The following TMEM94 variants were observed in gnomAD, a reference collection of about 807,000 sequenced individuals.
TMEM94 encodes the protein ER Mg2+ ATPase.
A neutral mutation model predicts 158.6 loss-of-function variants in TMEM94; 81 were observed. That is an observed-to-expected ratio of 0.51 (90% CI 0.43 to 0.61). The LOEUF (loss-of-function observed/expected upper bound fraction) is 0.61, where lower values mean the gene tolerates loss of function less well. Among genes scored for constraint, TMEM94 ranks in the 20% least tolerant of loss-of-function variants. The pLI, the probability that TMEM94 is intolerant of heterozygous loss-of-function variation, is 0.00. For synonymous variants in TMEM94, 751 were observed against 730.7 expected (o/e 1.03, Z -0.45); for missense variants, 1,435 against 1,762.0 (o/e 0.81, Z 3.32).
intron 2 of TMEM94, among the ~76,000 whole-genome samples, chr17:75,483,745 G>A (rs149349997): frequency 5.9e-5 from 9 of 152,150 alleles, no homozygotes; most frequent in African/African-American, 9.7e-5. Context: ...GATTACAGGC[G>A]TGAGTTCGGC....
At chr17:75,490,020 A>G (rs2052007935) in intron 9 of TMEM94, 2 of 618,240 alleles carry the variant, frequency 3.2e-6, no homozygotes, top group Admixed American at 3.1e-5. Flanking sequence ...TGGAGGTTGC[A>G]GTGAGCCGAG....
chr17:75,485,331 G>A lies in TMEM94; in HGVS notation c.25-97G>A. 1.4e-6 allele frequency: 2 copies of A among 1,404,890 alleles called. No individual in the cohort carries two copies. Among genetic ancestry groups the A allele is most frequent in the Non-Finnish European group, 1.9e-6 (2 of 1,026,318 alleles). The allele number at this position is 1,404,890 out of a possible 1,614,324, so 87.0% of individuals were successfully genotyped here. ...GAGATGTGAGGATCCCAGAGGAGGG[G>A]AAGGATGAAGGGCCAGGGAAGGGGA... On this transcript the variant is annotated intron_variant, in intron 2 of 31. Transcript: ENST00000314256. The surrounding 1 kb of genome is among the most constrained non-coding windows in gnomAD (Gnocchi z 5.5).
chr17:75,475,697 G>A (rs1567918151), intron 2 of TMEM94, among the ~76,000 whole-genome samples: 1 of 149,590 alleles, frequency 6.7e-6, no homozygotes, highest in South Asian at 2.2e-4. Context: ...CTTTCTGCCT[G>A]GGGGATGCAG....
rs752163987 is a variant in TMEM94, at chr17:75,493,076, G to T, written c.2060G>T (p.Ser687Ile). ...KRRPPLSHMISLFIKDTTTST... is the reference protein window; with the variant it reads ...KRRPPLSHMIILFIKDTTTST... ...CGGCCTCCCCTCAGCCACATGATCA[G>T]CCTCTTCATTAAAGACACCACCACC... The change falls in exon 16 of 32, where the codon AGC (serine) becomes ATC (isoleucine). Residue 687 changes from serine to isoleucine, a missense_variant. Transcript: ENST00000314256. The T allele has an allele frequency of 9.3e-6, 15 of 1,613,218 alleles. No homozygotes were observed. The highest frequency in any genetic ancestry group is 1.3e-5 in the Non-Finnish European group (15 of 1,180,024).
intron 1 of TMEM94, among the ~76,000 whole-genome samples, chr17:75,466,431 T>C (rs2050309056): frequency 6.6e-6 from 1 of 152,186 alleles, no homozygotes. Flanking sequence ...TCAAAATTGT[T>C]TTGCCTATTC....
intron 16 of TMEM94, 25 bp from the exon 17 acceptor site, chr17:75,493,466 T>C: frequency 1.2e-6 from 2 of 1,609,698 alleles, no homozygotes; most frequent in South Asian, 2.2e-5. Context: ...TTAGCGACAC[T>C]CAGGGTTTGA....
At position 75,498,593 on chromosome 17, in the gene TMEM94, G is replaced by A; in HGVS notation, c.3734-36G>A. On this transcript the variant is annotated intron_variant, in intron 29 of 31. Transcript: ENST00000314256. The surrounding 1 kb of genome is among the most constrained non-coding windows in gnomAD (Gnocchi z 6.7). ...GATGGTGGGAGAGGAGCCCCACTGTGGAAGTCTGACCCCCACATCGCCCCA... is the reference window on the plus strand; with the variant it reads ...GATGGTGGGAGAGGAGCCCCACTGTAGAAGTCTGACCCCCACATCGCCCCA... 1 of 1,613,092 alleles carries A rather than the reference G, an allele frequency of 6.2e-7. No homozygotes were observed. The highest frequency in any genetic ancestry group is 8.5e-7 in the Non-Finnish European group (1 of 1,179,628).
chr17:75,496,495 A>T, intron 24 of TMEM94, 24 bp downstream of exon 24: 1 of 1,606,852 alleles, frequency 6.2e-7, no homozygotes. Context: ...CAGGCAAAGG[A>T]GGAGAGACGC....
rs138534185 is a variant in TMEM94, at chr17:75,486,378, C to T, written c.361C>T (p.Arg121Cys). 27 of 1,614,026 alleles carry T rather than the reference C, an allele frequency of 1.7e-5. No individual in the cohort carries two copies. The highest frequency in any genetic ancestry group is 1.5e-4 in the African/African-American group (11 of 74,916). ...CATCGGGCGGCAAGACCGGCTGAAG[C>T]GTCGGGAGGTAGAGCGGAGGCTGCG... ...VLIGRQDRLK[R>C]REVERRLRGI... Residue 121 changes from arginine (R) to cysteine (C), a missense_variant, in exon 5 of 32, where the codon CGT (arginine) becomes TGT (cysteine). Physicochemically the swap from Arg to Cys is radical, Grantham distance 180. Transcript: ENST00000314256.
At position 75,478,263 on chromosome 17, in the gene TMEM94, C is replaced by CGCCTCG. The variant is rs1179770292; in HGVS notation, c.24+6340_24+6345dup. ...CGATCTCCTGACCTCGTGATCCGCC[C>CGCCTCG]GCCTCGGCCTCCCAAAGTGCTGGGA... On this transcript the variant is annotated intron_variant, in intron 2 of 31. Coordinates refer to ENST00000314256, the MANE Select transcript of TMEM94 (RefSeq NM_014738.6). Among the ~76,000 whole-genome samples the CGCCTCG allele has an allele frequency of 2.8e-5, 4 of 143,694 alleles. No individual in the cohort carries two copies. In the East Asian group the frequency reaches 6.2e-4, roughly 22 times the overall value. The allele number at this position is 143,694 out of a possible 152,430, so 94.3% of individuals were successfully genotyped here.
At chr17:75,476,693 C>T in intron 2 of TMEM94, 4 of 1,535,696 alleles carry the variant, frequency 2.6e-6, no homozygotes, top group Non-Finnish European at 3.5e-6. Context: ...CTGGCCCATG[C>T]TCTTTAAGCA....
rs1341927755 is a variant in TMEM94 at position 75,487,603 on chromosome 17, CT to C, written c.410-327del. Among the ~76,000 whole-genome samples the C allele has an allele frequency of 1.3e-5, 2 of 152,214 alleles. No individual in the cohort carries two copies. Among genetic ancestry groups the C allele is most frequent in the East Asian group, 3.9e-4 (2 of 5,194 alleles). On this transcript the variant is annotated intron_variant, in intron 5 of 31. Coordinates refer to ENST00000314256, the MANE Select transcript of TMEM94 (RefSeq NM_014738.6). This position sits in a 1 kb window ranked among gnomAD's most constrained non-coding sequence, Gnocchi z 4.6. ...CATCTGCCCCACTGGGTTGTGGCTC[CT>C]TGAGGAGCTATGTTGTTGTCTCCAC...
Position 75,495,398 on chromosome 17 carries a change from G to T in TMEM94, c.2843G>T (p.Arg948Leu). ...CCCAGCTTCCTGGAGGACTCCAACC[G>T]GGTACGATGGCAGGATCTGTCTCAC... is the stretch of plus-strand genomic sequence containing the variant. ...DIPSFLEDSN[R>L]AKLPRGIHQV... The change falls in exon 21 of 32, where the codon CGG (arginine) becomes CTG (leucine). Residue 948 changes from arginine (R) to leucine (L), a missense_variant and splice_region_variant. This residue lies in a region of TMEM94 where 1,051 missense variants were observed against 1,254.4 expected (regional missense o/e 0.84). Coordinates refer to ENST00000314256, the MANE Select transcript of TMEM94 (RefSeq NM_014738.6). This position sits in a 1 kb window ranked among gnomAD's most constrained non-coding sequence, Gnocchi z 5.6. 1 of 1,612,628 alleles carries T rather than the reference G, an allele frequency of 6.2e-7. No individual in the cohort carries two copies. The highest frequency in any genetic ancestry group is 8.5e-7 in the Non-Finnish European group (1 of 1,178,874).
intron 1 of TMEM94, 134 bp from the exon 2 acceptor site, chr17:75,471,666 A>T (rs922750730): frequency 7.2e-5 from 31 of 431,798 alleles, no homozygotes; most frequent in Non-Finnish European, 1.3e-4. Context: ...GTGAGCCGAG[A>T]TCGCGCCACT....
chr17:75,475,135 A>G (rs2050632691), intron 2 of TMEM94, among the ~76,000 whole-genome samples: 1 of 152,190 alleles, frequency 6.6e-6, no homozygotes, highest in African/African-American at 2.4e-5. Context: ...CTTTGGCTAC[A>G]GCCAGATTGC....
In TMEM94 at chr17:75,458,796, G is replaced by A. The variant is rs991017803; in HGVS notation, c.-107+2045G>A. On this transcript the variant is annotated intron_variant, in intron 1 of 31. Transcript: ENST00000314256. ...CTATTGGCCGGGCGCAGTGGCTCAC[G>A]CCTGTAATCCCAGCACTTTGGGAGG... 3.9e-5 allele frequency among the ~76,000 whole-genome samples: 6 copies of A among 152,064 alleles called. No homozygotes were observed. The East Asian group carries it at 1.2e-3, about 29-fold the overall frequency.
chr17:75,485,538 G>C lies in TMEM94; in HGVS notation c.135G>C (p.Leu45=). 6.2e-7 allele frequency: 1 copy of C among 1,614,226 alleles called. No homozygotes were observed. The change falls in exon 3 of 32, where the codon CTG becomes CTC. Residue 45 remains leucine, a synonymous_variant. Coordinates refer to ENST00000314256, the MANE Select transcript of TMEM94 (RefSeq NM_014738.6). This position sits in a 1 kb window ranked among gnomAD's most constrained non-coding sequence, Gnocchi z 5.5. ...ATCTCAGGGAGCGGAAGAAGTGTCTGACGTGGAAGGTGAAGCTTCTTCTCG... is the reference window on the plus strand; with the variant it reads ...ATCTCAGGGAGCGGAAGAAGTGTCTCACGTGGAAGGTGAAGCTTCTTCTCG... ...EGHLRERKKC[L]TWKEVWRSSF...
chr17:75,498,210 G>T lies in TMEM94; in HGVS notation c.3525G>T (p.Lys1175Asn). 1.9e-6 allele frequency: 3 copies of T among 1,613,970 alleles called. No individual in the cohort carries two copies. The highest frequency in any genetic ancestry group is 1.6e-4 in the Middle Eastern group (1 of 6,062). The change falls in exon 28 of 32, where the codon AAG becomes AAT. Residue 1175 changes from lysine to asparagine, a missense_variant. Lys to Asn is a moderately conservative substitution (Grantham distance 94). Coordinates refer to ENST00000314256, the MANE Select transcript of TMEM94 (RefSeq NM_014738.6). The surrounding 1 kb of genome is among the most constrained non-coding windows in gnomAD (Gnocchi z 6.7). ...QHYFLLCFLL[K>N]FSLTISSCLI... The stretch of plus-strand genomic sequence containing the variant: ...ACTTCCTGCTCTGCTTCCTGCTCAA[G>T]TTCAGCCTCACCATCAGCTCCTGCC...
At chr17:75,477,797 T>G (rs889866126) in intron 2 of TMEM94, among the ~76,000 whole-genome samples, 3 of 150,798 alleles carry the variant, frequency 2.0e-5, no homozygotes, top group Admixed American at 6.6e-5. Flanking sequence ...GATCACGAGG[T>G]CAGGAGTTTG....
Sources: gnomAD v4.1 joint callset for allele counts (sites outside exome capture counted in the v4.1 genomes callset) on GRCh38, gnomAD v4.1.1 for gene constraint, gnomAD v4.1.1 regional missense constraint, Gnocchi (gnomAD v3.1) non-coding constraint, MANE v1.5 for transcripts, NCBI Gene and HGNC (gene_info 2026-07-23, HGNC 2026-07-21) for gene names.